CAPN11: variants seen among roughly 807,000 people sequenced by gnomAD.
CAPN11 encodes the protein calpain-11.
In CAPN11, 108 loss-of-function variants were observed where a neutral mutation model predicts 105.3. The ratio of observed to expected loss-of-function variants is 1.03; its 90% CI spans 0.88 to 1.20. CAPN11 has a LOEUF of 1.20. Ranked by LOEUF, CAPN11 falls within the 50% of genes most tolerant of loss-of-function variation. The probability of loss-of-function intolerance (pLI) is 0.00; values close to 1 mark genes in which losing one functional copy is unlikely to be tolerated. For synonymous variants in CAPN11, 329 were observed against 344.5 expected (o/e 0.96, Z 0.50); for missense variants, 883 against 924.8 (o/e 0.95, Z 0.59).
intron 2 of CAPN11, among the ~76,000 whole-genome samples, chr6:44,168,705 C>T (rs1220636906): frequency 1.3e-5 from 2 of 150,996 alleles, no homozygotes; most frequent in South Asian, 2.1e-4. Context: ...TCTGCACCTC[C>T]GCCTCCTGGG....
At chr6:44,172,159 G>T in intron 4 of CAPN11, 143 bp from the exon 5 acceptor site, 1 of 562,748 alleles carries the variant, frequency 1.8e-6, no homozygotes, top group South Asian at 2.3e-5. Context: ...TTTAGTGGGA[G>T]GGCTGAGGGA....
intron 1 of CAPN11, among the ~76,000 whole-genome samples, chr6:44,163,889 G>A (rs1769347269): frequency 6.6e-6 from 1 of 152,152 alleles, no homozygotes; most frequent in African/African-American, 2.4e-5. Context: ...CCAGGCTAGA[G>A]TGCAGTGGAA....
intron 4 of CAPN11, among the ~76,000 whole-genome samples, chr6:44,171,779 G>T (rs965033312): frequency 1.3e-5 from 2 of 152,040 alleles, no homozygotes; most frequent in Non-Finnish European, 2.9e-5. Flanking sequence ...TAATAGAAAA[G>T]GTACAGCCAG....
chr6:44,180,857 C>T, intron 17 of CAPN11, 52 bp downstream of exon 17: 1 of 1,605,700 alleles, frequency 6.2e-7, no homozygotes, highest in Non-Finnish European at 8.5e-7. Context: ...TTTTGTGCCC[C>T]TCTTGATCAC....
intron 22 of CAPN11, 22 bp downstream of exon 22, chr6:44,183,785 G>A: frequency 6.2e-7 from 1 of 1,611,746 alleles, no homozygotes; most frequent in Non-Finnish European, 8.5e-7. Context: ...AGGGTGGGAA[G>A]GAATCTGCAG....
chr6:44,164,783 G>C (rs1769516472), intron 1 of CAPN11, among the ~76,000 whole-genome samples: 1 of 152,206 alleles, frequency 6.6e-6, no homozygotes, highest in African/African-American at 2.4e-5. Flanking sequence ...GTGGAAGCCT[G>C]GTTTGGGTTT....
intron 1 of CAPN11, among the ~76,000 whole-genome samples, chr6:44,160,761 C>CA (rs1420639228): frequency 2.0e-5 from 3 of 152,248 alleles, no homozygotes; most frequent in Non-Finnish European, 4.4e-5. Flanking sequence ...CCCTGCTTTC[C>CA]ACGCAGTTTC....
chr6:44,174,515 C>CAAAA (rs66536720), intron 7 of CAPN11, among the ~76,000 whole-genome samples: 5 of 77,300 alleles, frequency 6.5e-5, no homozygotes, highest in African/African-American at 1.1e-4. Flanking sequence ...TCATCTCTAC[C>CAAAA]AAAAAAAAAA....
Position 44,180,001 on chromosome 6 carries a change from A to G in CAPN11, c.1478A>G (p.Tyr493Cys). 6.2e-7 allele frequency: 1 copy of G among 1,612,608 alleles called. No individual in the cohort carries two copies. Among genetic ancestry groups the G allele is most frequent in the Non-Finnish European group, 8.5e-7 (1 of 1,179,346 alleles). ...VHLKKEFFTK[Y>C]QDHGFSEIFT... ...TTGAAGAAGGAATTCTTCACGAAGT[A>G]TCAGGACCACGGCTTCTCAGAGATC... The change falls in exon 14 of 23, where the codon TAT becomes TGT. Residue 493 changes from tyrosine to cysteine, a missense_variant. Physicochemically the swap from Tyr to Cys is radical, Grantham distance 194. Transcript: ENST00000398776.
Position 44,182,977 on chromosome 6 carries a change from A to G in CAPN11, c.1975A>G (p.Thr659Ala), listed in dbSNP as rs1774042810. ...FRECDQDHSGTLNSYEMRLVI... is the reference protein window; with the variant it reads ...FRECDQDHSGALNSYEMRLVI... ...AGAGTGTGACCAGGACCATTCAGGC[A>G]CCTTGAACTCCTATGAGATGCGCCT... The change falls in exon 20 of 23, where the codon ACC becomes GCC. Residue 659 changes from threonine (T) to alanine (A), a missense_variant. Transcript: ENST00000398776. 1 of 1,611,622 alleles carries G rather than the reference A, an allele frequency of 6.2e-7. No individual in the cohort carries two copies.
At chr6:44,168,914 C>T (rs1664347126) in intron 2 of CAPN11, 1 of 446,792 alleles carries the variant, frequency 2.2e-6, no homozygotes, top group South Asian at 1.6e-5. Flanking sequence ...AGCCACCACA[C>T]CCAGCCTATT....
At chr6:44,176,490 C>T (rs1369370656) in intron 9 of CAPN11, 91 bp from the exon 10 acceptor site, 2 of 1,351,978 alleles carry the variant, frequency 1.5e-6, no homozygotes, top group African/African-American at 1.4e-5. Context: ...CCCCAGCAGG[C>T]AGACATTCAG....
At position 44,184,096 on chromosome 6, in the gene CAPN11, G is replaced by A. The variant is rs1035963854; in HGVS notation, c.*164G>A. On this transcript the variant is annotated 3_prime_UTR_variant, in exon 23 of 23. Coordinates refer to ENST00000398776, the MANE Select transcript of CAPN11 (RefSeq NM_007058.4). The stretch of plus-strand genomic sequence containing the variant: ...CCCAGGTGCCGTGTTTACTGCAGCA[G>A]TGGGACCTCCGTGCCCACTCCCCCA... The A allele has an allele frequency of 4.3e-6, 3 of 698,540 alleles. No homozygotes were observed. The highest frequency in any genetic ancestry group is 3.6e-5 in the South Asian group (2 of 56,254). 43.3% of individuals were successfully genotyped at this position (698,540 alleles called of 1,614,324 possible).
rs202080178 is a variant in CAPN11 at position 44,172,304 on chromosome 6, G to T, written c.412G>T (p.Asp138Tyr). The change falls in exon 5 of 23, where the codon GAC becomes TAC. Residue 138 changes from aspartate (D) to tyrosine (Y), a missense_variant and splice_region_variant. By Grantham distance (160) the Asp-to-Tyr change is radical (BLOSUM62 -3). Transcript: ENST00000398776. The part of the protein sequence containing the change: ...PTDICQGILG[D>Y]CWLLAAIGSL... ...CAAAGCCCTGCCTGTCTTTCCAGGG[G>T]ACTGCTGGCTGCTGGCTGCCATCGG... 4.9e-4 allele frequency: 767 copies of T among 1,551,266 alleles called. No homozygotes were observed. The highest frequency in any genetic ancestry group is 1.6e-3 in the Admixed American group (83 of 51,050).
At chr6:44,164,039 C>G (rs1463784329) in intron 1 of CAPN11, among the ~76,000 whole-genome samples, 1 of 152,034 alleles carries the variant, frequency 6.6e-6, no homozygotes, top group Non-Finnish European at 1.5e-5. Flanking sequence ...ACACAGGGGT[C>G]TCACCATGTT....
Position 44,180,796 on chromosome 6 carries a change from G to T in CAPN11, c.1795G>T (p.Ala599Ser). The T allele has an allele frequency of 1.2e-6, 2 of 1,613,598 alleles. No individual in the cohort carries two copies. The highest frequency in any genetic ancestry group is 1.7e-6 in the Non-Finnish European group (2 of 1,179,712). The change falls in exon 17 of 23, where the codon GCC (alanine) becomes TCC (serine). Residue 599 changes from alanine to serine, a missense_variant. By Grantham distance (99) the Ala-to-Ser change is moderately conservative. Coordinates refer to ENST00000398776, the MANE Select transcript of CAPN11 (RefSeq NM_007058.4). ...YELQRLLNRM[A>S]IKFKSFKTKG... ...GCTCCAGAGGCTGCTCAACAGGATGGCCATCAAATGTGAGTCTTCCACTCC... is the reference window on the plus strand; with the variant it reads ...GCTCCAGAGGCTGCTCAACAGGATGTCCATCAAATGTGAGTCTTCCACTCC...
chr6:44,163,183 C>T (rs1769209477), intron 1 of CAPN11, among the ~76,000 whole-genome samples: 1 of 152,176 alleles, frequency 6.6e-6, no homozygotes, highest in African/African-American at 2.4e-5. Flanking sequence ...GGTGAGGAAA[C>T]CAAGGCTCAG....
rs995875365 is a variant in CAPN11 at position 44,184,120 on chromosome 6, C to G, written c.*188C>G. ...AGTGGGACCTCCGTGCCCACTCCCC[C>G]AGCTCAGAGGCTTTCTCTTTTTTCC... On this transcript the variant is annotated 3_prime_UTR_variant, in exon 23 of 23. Coordinates refer to ENST00000398776, the MANE Select transcript of CAPN11 (RefSeq NM_007058.4). 1 of 616,514 alleles carries G rather than the reference C, an allele frequency of 1.6e-6. No individual in the cohort carries two copies. Among genetic ancestry groups the G allele is most frequent in the Non-Finnish European group, 2.9e-6 (1 of 350,764 alleles). 38.2% of individuals were successfully genotyped at this position (616,514 alleles called of 1,614,324 possible).
Position 44,178,445 on chromosome 6 carries a change from T to C in CAPN11, c.1416+1025T>C, listed in dbSNP as rs1469648571. On this transcript the variant is annotated intron_variant, in intron 12 of 22. Transcript: ENST00000398776. ...AAATTCTCCACATTCTCCAAAAGAA[T>C]GTTGTTCATTCACTTGCATTCCCTT... is the stretch of plus-strand genomic sequence containing the variant. Among the ~76,000 whole-genome samples the C allele has an allele frequency of 2.0e-5, 3 of 152,112 alleles. No homozygotes were observed. The East Asian group carries it at 5.8e-4, about 29-fold the overall frequency.
Sources: gnomAD v4.1 joint callset for allele counts (sites outside exome capture counted in the v4.1 genomes callset) on GRCh38, gnomAD v4.1.1 for gene constraint, MANE v1.5 for transcripts, NCBI Gene and HGNC (gene_info 2026-07-23, HGNC 2026-07-21) for gene names.